Variants in PNKD observed in about 807,000 individuals in gnomAD.
PNKD encodes PNKD metallo-beta-lactamase domain containing, also known as probable thioesterase PNKD.
A neutral mutation model predicts 45.3 loss-of-function variants in PNKD; 36 were observed. The ratio of observed to expected loss-of-function variants is 0.80; its 90% CI spans 0.61 to 1.05. The LOEUF (loss-of-function observed/expected upper bound fraction) is 1.05. Among genes scored for constraint, PNKD ranks in the 50% least tolerant of loss-of-function variants. The pLI is 0.00. For missense variants in PNKD, 511 were observed against 506.6 expected, an observed-to-expected ratio of 1.01 and a Z score of -0.08; for synonymous variants, 197 against 210.1, an observed-to-expected ratio of 0.94 and a Z score of 0.54.
chr2:218,289,985 G>T (rs947497535), intron 2 of PNKD: 11 of 152,206 alleles, frequency 7.2e-5, no homozygotes, highest in African/African-American at 2.7e-4. Flanking sequence ...TGAACTAGCT[G>T]CAGGAATCCA....
chr2:218,278,183 A>C (rs1421627693), intron 2 of PNKD: 2 of 621,890 alleles, frequency 3.2e-6, no homozygotes, highest in African/African-American at 1.8e-5. Context: ...GTGGCGCCAG[A>C]AACACCTGGA....
At position 218,343,550 on chromosome 2, in the gene PNKD, G is replaced by T; in HGVS notation, c.832G>T (p.Val278Leu). The T allele has an allele frequency of 6.2e-7, 1 of 1,613,614 alleles. No individual in the cohort carries two copies. Among genetic ancestry groups the T allele is most frequent in the Admixed American group, 1.7e-5 (1 of 59,956 alleles). The change falls in exon 8 of 10, where the codon GTG becomes TTG. Residue 278 changes from valine to leucine, a missense_variant. Val to Leu is a conservative substitution (Grantham distance 32). Coordinates refer to ENST00000273077, the MANE Select transcript of PNKD (RefSeq NM_015488.5). ...AETMLSSLDT[V>L]LGLGDDTLLW... ...GACCATGCTGAGCTCACTGGACACT[G>T]TGCTGGGGCTAGGGGATGACACCCT...
intron 2 of PNKD, among the ~76,000 whole-genome samples, chr2:218,305,384 C>T (rs1693378998): frequency 6.6e-6 from 1 of 152,148 alleles, no homozygotes; most frequent in African/African-American, 2.4e-5. Flanking sequence ...CAGGGTCTTA[C>T]TCTGTCACTC....
At chr2:218,336,739 C>T (rs181219478) in intron 2 of PNKD, among the ~76,000 whole-genome samples, 7 of 151,804 alleles carry the variant, frequency 4.6e-5, no homozygotes, top group Admixed American at 1.3e-4. Flanking sequence ...TCACCACCTC[C>T]GAAAGTGCTG....
intron 2 of PNKD, among the ~76,000 whole-genome samples, chr2:218,307,659 G>T (rs1241797355): frequency 6.6e-6 from 1 of 152,146 alleles, no homozygotes; most frequent in African/African-American, 2.4e-5. Flanking sequence ...CCAGTATAGG[G>T]TTGGAGGGAA....
At chr2:218,336,686 G>T (rs1694502336) in intron 2 of PNKD, among the ~76,000 whole-genome samples, 1 of 151,344 alleles carries the variant, frequency 6.6e-6, no homozygotes, top group Non-Finnish European at 1.5e-5. Flanking sequence ...TCGCCATGTT[G>T]CCCAGTCTGG....
chr2:218,343,967 A>C (rs1169696315), intron 8 of PNKD, among the ~76,000 whole-genome samples: 1 of 152,260 alleles, frequency 6.6e-6, no homozygotes, highest in African/African-American at 2.4e-5. Context: ...GTGGTGCATA[A>C]AAACATTCAC....
Position 218,340,713 on chromosome 2 carries a change from T to A in PNKD, c.466-15T>A, listed in dbSNP as rs757708486. 5 of 1,610,908 alleles carry A rather than the reference T, an allele frequency of 3.1e-6. No homozygotes were observed. In the African/African-American group the frequency reaches 6.7e-5, roughly 22 times the overall value. On this transcript the variant is annotated splice_polypyrimidine_tract_variant and intron_variant, in intron 4 of 9. Transcript: ENST00000273077. This position sits in a 1 kb window ranked among gnomAD's most constrained non-coding sequence, Gnocchi z 4.2. ...CATCCTGCTCCCCAGTCTCCAAACC[T>A]CCTCTCTCTCGCAGGCTTCCATTGA...
intron 2 of PNKD, among the ~76,000 whole-genome samples, chr2:218,335,232 A>G (rs1032157730): frequency 6.6e-6 from 1 of 152,206 alleles, no homozygotes; most frequent in Non-Finnish European, 1.5e-5. Flanking sequence ...CAGTAATCCC[A>G]GCACTTTGGG....
intron 2 of PNKD, among the ~76,000 whole-genome samples, chr2:218,325,801 C>T (rs1694136572): frequency 6.6e-6 from 1 of 152,138 alleles, no homozygotes; most frequent in African/African-American, 2.4e-5. Context: ...TGGAGAGCTT[C>T]TTCAAAATGC....
chr2:218,277,078 C>CTG, intron 2 of PNKD: 1 of 1,614,186 alleles, frequency 6.2e-7, no homozygotes, highest in South Asian at 1.1e-5. Context: ...CAGAAGAGGC[C>CTG]TGTGCACGAG....
chr2:218,277,996 G>C, intron 2 of PNKD: 2 of 1,613,914 alleles, frequency 1.2e-6, no homozygotes, highest in South Asian at 1.1e-5. Flanking sequence ...GAGAAGCCTT[G>C]ATTAAATGAC....
At chr2:218,275,333 C>A in intron 2 of PNKD, 3 of 1,172,492 alleles carry the variant, frequency 2.6e-6, no homozygotes. Context: ...AGAGAGGCCA[C>A]CTGTCTCCAG....
rs912211934 is a variant in PNKD at position 218,294,024 on chromosome 2, T to C, written c.236+22475T>C. On this transcript the variant is annotated intron_variant, in intron 2 of 9. Transcript: ENST00000273077. ...TCTGTAAATATAGTTTAAGTAGGAG[T>C]TACTTAGGGGGACTAGTGGCCGTTA... is the stretch of plus-strand genomic sequence containing the variant. Among the ~76,000 whole-genome samples the C allele has an allele frequency of 4.0e-5, 6 of 151,466 alleles. No homozygotes were observed. The South Asian group carries it at 8.3e-4, about 21-fold the overall frequency.
intron 2 of PNKD, chr2:218,272,896 C>T: frequency 1.9e-6 from 3 of 1,567,968 alleles, no homozygotes; most frequent in Non-Finnish European, 2.6e-6. Context: ...TGCCCCACAC[C>T]AAGGAGCCAG....
At position 218,323,124 on chromosome 2, in the gene PNKD, TC is replaced by T. The variant is rs528362987; in HGVS notation, c.237-16657del. The T allele has an allele frequency of 2.4e-5, 31 of 1,268,836 alleles. No individual in the cohort carries two copies. In the East Asian group the frequency reaches 9.8e-4, roughly 40 times the overall value. The allele number at this position is 1,268,836 out of a possible 1,614,324, so 78.6% of individuals were successfully genotyped here. ...CGGCTGGAGGTGGTGAGGGGGCGGGTCCAAAGGAGAGGTCAATGGGCGGGGC... is the reference window on the plus strand; with the variant it reads ...CGGCTGGAGGTGGTGAGGGGGCGGGTCAAAGGAGAGGTCAATGGGCGGGGC... On this transcript the variant is annotated intron_variant, in intron 2 of 9. Transcript: ENST00000273077.
At chr2:218,279,297 G>C in intron 2 of PNKD, 1 of 1,585,126 alleles carries the variant, frequency 6.3e-7, no homozygotes, top group Non-Finnish European at 8.6e-7. Flanking sequence ...ACACAAAGGT[G>C]AAGATAGCAA....
rs1460179302 is a variant in PNKD, at chr2:218,293,814, G to T, written c.236+22265G>T. ...TTTTGTAGAGATGGGTTTTCACGTTGTTGCATAGGCTGGTCTCAAACCCCT... is the reference window on the plus strand; with the variant it reads ...TTTTGTAGAGATGGGTTTTCACGTTTTTGCATAGGCTGGTCTCAAACCCCT... On this transcript the variant is annotated intron_variant, in intron 2 of 9. Coordinates refer to ENST00000273077, the MANE Select transcript of PNKD (RefSeq NM_015488.5). 2.0e-5 allele frequency among the ~76,000 whole-genome samples: 3 copies of T among 149,598 alleles called. No homozygotes were observed. In the Admixed American group the frequency reaches 2.0e-4, roughly 10 times the overall value.
At chr2:218,272,488 T>C (rs1349965150) in intron 2 of PNKD, 14 of 1,280,732 alleles carry the variant, frequency 1.1e-5, no homozygotes, top group Non-Finnish European at 1.6e-5. Context: ...ATGCAACTGA[T>C]GAAGCTAGAA....
Sources: gnomAD v4.1 joint callset for allele counts (sites outside exome capture counted in the v4.1 genomes callset) on GRCh38, gnomAD v4.1.1 for gene constraint, Gnocchi (gnomAD v3.1) non-coding constraint, MANE v1.5 for transcripts, NCBI Gene and HGNC (gene_info 2026-07-23, HGNC 2026-07-21) for gene names.